FAT3: variants seen among roughly 807,000 people sequenced by gnomAD.
The protein encoded by FAT3 is FAT atypical cadherin 3, also known as protocadherin Fat 3.
In FAT3, 95 loss-of-function variants were observed where a neutral mutation model predicts 310.2. That is an observed-to-expected ratio of 0.31 (90% CI 0.26 to 0.36). The LOEUF (loss-of-function observed/expected upper bound fraction) is 0.36, where lower values mean the gene tolerates loss of function less well. Among genes scored for constraint, FAT3 ranks in the 10% least tolerant of loss-of-function variants. FAT3 has a pLI of 1.00. For missense variants in FAT3, 5,408 were observed against 5,715.6 expected (o/e 0.95, Z 1.74); for synonymous variants, 2,314 against 2,192.9 (o/e 1.06, Z -1.54).
chr11:92,554,461 C>CAAAAAAAAAAAAAAAAA (rs56918849), intron 3 of FAT3, among the ~76,000 whole-genome samples: 1 of 55,012 alleles, frequency 1.8e-5, no homozygotes, highest in African/African-American at 8.5e-5. Flanking sequence ...GACTCCATCT[C>CAAAAAAAAAAAAAAAAA]AAAAAAAAAA....
intron 2 of FAT3, among the ~76,000 whole-genome samples, chr11:92,503,490 T>C (rs1017761359): frequency 1.3e-5 from 2 of 152,074 alleles, no homozygotes; most frequent in African/African-American, 2.4e-5. Flanking sequence ...TCCTATTTTA[T>C]AGGTAAGGAA....
At position 92,263,356 on chromosome 11, in the gene FAT3, A is replaced by G. The variant is rs1299600528; in HGVS notation, c.-18+38182A>G. On this transcript the variant is annotated intron_variant, in intron 1 of 27. Transcript: ENST00000525166. Reference sequence around the variant, plus strand: ...CACACACACCACACACACACATATTATATAATGTTTGCCCTTGTGTTACAT... The same window carrying G: ...CACACACACCACACACACACATATTGTATAATGTTTGCCCTTGTGTTACAT... Among the ~76,000 whole-genome samples the G allele has an allele frequency of 2.0e-5, 3 of 151,896 alleles. No individual in the cohort carries two copies. In the East Asian group the frequency reaches 5.8e-4, roughly 29 times the overall value.
At chr11:92,441,162 C>G (rs191045055) in intron 2 of FAT3, among the ~76,000 whole-genome samples, 190 of 152,330 alleles carry the variant, frequency 1.2e-3, no homozygotes, top group Non-Finnish European at 2.2e-3. Context: ...GCTGTCCTCC[C>G]GGCTTCCCCC....
chr11:92,850,958 C>T (rs1311889161), intron 19 of FAT3, among the ~76,000 whole-genome samples: 2 of 152,130 alleles, frequency 1.3e-5, no homozygotes, highest in Admixed American at 1.3e-4. Flanking sequence ...TAAATTTCCA[C>T]CTGAGCAAAA....
At chr11:92,650,495 G>T (rs1447210869) in intron 3 of FAT3, among the ~76,000 whole-genome samples, 3 of 152,116 alleles carry the variant, frequency 2.0e-5, no homozygotes, top group Non-Finnish European at 4.4e-5. Context: ...TGGTTCCTTA[G>T]CACAGAGTCT....
intron 7 of FAT3, among the ~76,000 whole-genome samples, chr11:92,778,770 A>G (rs1315613081): frequency 3.3e-5 from 5 of 152,052 alleles, no homozygotes; most frequent in African/African-American, 7.2e-5. Flanking sequence ...TGGGAAACAT[A>G]TGCACACACC....
intron 2 of FAT3, among the ~76,000 whole-genome samples, chr11:92,418,162 T>A (rs896540317): frequency 6.6e-6 from 1 of 152,168 alleles, no homozygotes; most frequent in African/African-American, 2.4e-5. Flanking sequence ...AATCAAAACA[T>A]CTTTTAATTG....
Position 92,774,103 on chromosome 11 carries a change from C to T in FAT3, c.4258C>T (p.Pro1420Ser), listed in dbSNP as rs979907730. 25 of 1,613,622 alleles carry T rather than the reference C, an allele frequency of 1.5e-5. No individual in the cohort carries two copies. Among genetic ancestry groups the T allele is most frequent in the Non-Finnish European group, 2.0e-5 (24 of 1,179,718 alleles). Reference sequence around the variant, plus strand: ...TGTTGGGACAATTGTCATCGCAAAACCTTTGGATGCAGAGCAGAGGTCCAT... The same window carrying T: ...TGTTGGGACAATTGTCATCGCAAAATCTTTGGATGCAGAGCAGAGGTCCAT... ...KGVGTIVIAK[P>S]LDAEQRSIYN... Residue 1420 changes from proline to serine, a missense_variant, in exon 7 of 28, where the codon CCT becomes TCT. This residue lies in a region of FAT3 where 4,588 missense variants were observed against 4,809.8 expected (regional missense o/e 0.95). Transcript: ENST00000525166.
intron 22 of FAT3, among the ~76,000 whole-genome samples, chr11:92,872,012 A>G (rs1949405568): frequency 6.6e-6 from 1 of 152,144 alleles, no homozygotes; most frequent in African/African-American, 2.4e-5. Flanking sequence ...CCCAGTCAGG[A>G]GATTTTGGTA....
intron 2 of FAT3, among the ~76,000 whole-genome samples, chr11:92,508,469 A>T (rs571135057): frequency 6.6e-6 from 1 of 152,268 alleles, no homozygotes; most frequent in South Asian, 2.1e-4. Flanking sequence ...AAAAAATGAA[A>T]AAAAGTGTTC....
intron 4 of FAT3, among the ~76,000 whole-genome samples, chr11:92,702,866 A>C (rs1161473188): frequency 6.6e-6 from 1 of 152,240 alleles, no homozygotes; most frequent in Non-Finnish European, 1.5e-5. Flanking sequence ...TGCAAATCAA[A>C]AAAAAATTAA....
At chr11:92,786,018 C>G (rs1024801414) in intron 7 of FAT3, among the ~76,000 whole-genome samples, 4 of 152,084 alleles carry the variant, frequency 2.6e-5, no homozygotes, top group African/African-American at 4.8e-5. Flanking sequence ...CAGAAATATG[C>G]TAACTGCATG....
intron 3 of FAT3, among the ~76,000 whole-genome samples, chr11:92,606,269 A>G (rs1455247346): frequency 6.6e-6 from 1 of 152,210 alleles, no homozygotes. Flanking sequence ...CTAAAGAATT[A>G]CTAGGGAGAA....
intron 7 of FAT3, among the ~76,000 whole-genome samples, chr11:92,778,283 T>C (rs1946645455): frequency 6.6e-6 from 1 of 152,146 alleles, no homozygotes. Context: ...GCTTGCCATG[T>C]CCCAAGAATT....
At chr11:92,759,013 A>G (rs1337230802) in intron 4 of FAT3, among the ~76,000 whole-genome samples, 2 of 152,160 alleles carry the variant, frequency 1.3e-5, no homozygotes, top group Non-Finnish European at 2.9e-5. Context: ...ATAGTTGATC[A>G]TGTTGGTTTG....
chr11:92,578,087 T>C (rs921628819), intron 3 of FAT3, among the ~76,000 whole-genome samples: 1 of 152,160 alleles, frequency 6.6e-6, no homozygotes, highest in African/African-American at 2.4e-5. Context: ...ATAGCTAGTA[T>C]GTAAACTCTA....
chr11:92,346,540 C>T (rs1164949617), intron 1 of FAT3, among the ~76,000 whole-genome samples: 1 of 152,114 alleles, frequency 6.6e-6, no homozygotes, highest in Non-Finnish European at 1.5e-5. Context: ...ACCCTTTATC[C>T]TTACCTCAGT....
chr11:92,638,207 A>C (rs563016773), intron 3 of FAT3, among the ~76,000 whole-genome samples: 2 of 152,318 alleles, frequency 1.3e-5, no homozygotes, highest in Non-Finnish European at 2.9e-5. Context: ...TTTAAGCTAC[A>C]TTAAGTAATG....
At chr11:92,319,424 G>C (rs1947551084) in intron 1 of FAT3, among the ~76,000 whole-genome samples, 1 of 151,770 alleles carries the variant, frequency 6.6e-6, no homozygotes, top group African/African-American at 2.4e-5. Flanking sequence ...AACATTTTTT[G>C]GTAGCCCAAG....
Sources: gnomAD v4.1 joint callset for allele counts (sites outside exome capture counted in the v4.1 genomes callset) on GRCh38, gnomAD v4.1.1 for gene constraint, gnomAD v4.1.1 regional missense constraint, MANE v1.5 for transcripts, NCBI Gene and HGNC (gene_info 2026-07-23, HGNC 2026-07-21) for gene names.